DPYD: variants seen among roughly 807,000 people sequenced by gnomAD.
DPYD encodes the protein dihydropyrimidine dehydrogenase [NADP(+)].
Under a neutral mutation model 116.2 loss-of-function variants are expected in DPYD, and 109 were observed. The ratio of observed to expected loss-of-function variants is 0.94; its 90% CI spans 0.80 to 1.10. DPYD has a LOEUF of 1.10. DPYD is among the 50% of genes least tolerant of loss of function. The probability of loss-of-function intolerance (pLI) is 0.00; values close to 1 mark genes in which losing one functional copy is unlikely to be tolerated. For missense variants in DPYD, 1,302 were observed against 1,254.5 expected (o/e 1.04, Z -0.57); for synonymous variants, 440 against 432.0 (o/e 1.02, Z -0.23).
chr1:97,446,129 T>G (rs1478427314), intron 14 of DPYD, among the ~76,000 whole-genome samples: 1 of 152,044 alleles, frequency 6.6e-6, no homozygotes, highest in East Asian at 1.9e-4. Flanking sequence ...CACAGTAGAG[T>G]TGCTGCAGAA....
Position 97,806,281 on chromosome 1 carries a change from GA to G in DPYD, c.233+21832del, listed in dbSNP as rs1473489267. On this transcript the variant is annotated intron_variant, in intron 3 of 22. Coordinates refer to ENST00000370192, the MANE Select transcript of DPYD (RefSeq NM_000110.4). ...AAGTCAATAACAGTAAAATCTAGAA[GA>G]AAATGCAGTTGTTTCACATCTTCAC... Among the ~76,000 whole-genome samples, 3 of 151,936 alleles carry G rather than the reference GA, an allele frequency of 2.0e-5. No individual in the cohort carries two copies. In the East Asian group the frequency reaches 5.8e-4, roughly 29 times the overall value.
chr1:97,686,411 C>A (rs955167257), intron 7 of DPYD, among the ~76,000 whole-genome samples: 3 of 151,456 alleles, frequency 2.0e-5, no homozygotes, highest in African/African-American at 7.3e-5. Context: ...CCGAGGCGGG[C>A]GGATCACGAG....
intron 8 of DPYD, among the ~76,000 whole-genome samples, chr1:97,672,699 C>T (rs532312737): frequency 3.9e-5 from 6 of 152,144 alleles, no homozygotes; most frequent in Non-Finnish European, 7.4e-5. Flanking sequence ...AGAAAGTATA[C>T]ACAACTATGT....
chr1:97,475,491 T>C (rs535786153), intron 13 of DPYD, among the ~76,000 whole-genome samples: 115 of 152,246 alleles, frequency 7.6e-4, no homozygotes, highest in Non-Finnish European at 1.5e-3. Context: ...AAATTCAAAA[T>C]AGAGCTAGCA....
chr1:97,906,916 G>A (rs150605630), intron 1 of DPYD, among the ~76,000 whole-genome samples: 2 of 152,118 alleles, frequency 1.3e-5, no homozygotes, highest in Non-Finnish European at 2.9e-5. Flanking sequence ...TGGCATATAT[G>A]AATTGTCTCC....
intron 4 of DPYD, among the ~76,000 whole-genome samples, chr1:97,739,335 C>G (rs1472199353): frequency 1.3e-5 from 2 of 151,960 alleles, no homozygotes; most frequent in Admixed American, 1.3e-4. Context: ...TAGATGCTAC[C>G]TTTCCTTCAT....
At chr1:97,474,787 GTTATAA>G (rs753350330) in intron 13 of DPYD, among the ~76,000 whole-genome samples, 1 of 150,886 alleles carries the variant, frequency 6.6e-6, no homozygotes, top group Non-Finnish European at 1.5e-5. Flanking sequence ...TGAGATATAT[GTTATAA>G]TTATAGCAAA....
At chr1:97,297,175 A>G (rs1344143448) in intron 18 of DPYD, among the ~76,000 whole-genome samples, 1 of 152,184 alleles carries the variant, frequency 6.6e-6, no homozygotes, top group Non-Finnish European at 1.5e-5. Context: ...TTTTTCACTG[A>G]ATTGAATTGA....
intron 8 of DPYD, among the ~76,000 whole-genome samples, chr1:97,651,419 C>T (rs1326876652): frequency 6.6e-6 from 1 of 152,122 alleles, no homozygotes; most frequent in Admixed American, 6.6e-5. Flanking sequence ...ATACCTAAAT[C>T]GGCAAGATAC....
At chr1:97,549,484 A>G (rs1466981995) in intron 12 of DPYD, 76 bp downstream of exon 12, 3 of 1,465,304 alleles carry the variant, frequency 2.0e-6, no homozygotes, top group Non-Finnish European at 1.9e-6. Context: ...AAATGCTCTT[A>G]TAGATGAGTA....
intron 16 of DPYD, among the ~76,000 whole-genome samples, chr1:97,340,195 T>C (rs1669521161): frequency 6.6e-6 from 1 of 151,662 alleles, no homozygotes; most frequent in African/African-American, 2.4e-5. Context: ...GAATGAATTA[T>C]GAAAATAGAG....
chr1:97,828,027 G>A, intron 3 of DPYD, 87 bp downstream of exon 3: 4 of 1,217,292 alleles, frequency 3.3e-6, no homozygotes, highest in Non-Finnish European at 4.8e-6. Context: ...CTGAATGGTG[G>A]CAATGAACTC....
chr1:97,834,654 G>A (rs1669680476), intron 2 of DPYD, among the ~76,000 whole-genome samples: 1 of 151,872 alleles, frequency 6.6e-6, no homozygotes, highest in African/African-American at 2.4e-5. Context: ...GCAGTTCAAT[G>A]TTGGTTACTA....
intron 8 of DPYD, among the ~76,000 whole-genome samples, chr1:97,647,108 A>G (rs920458888): frequency 1.5e-4 from 23 of 152,092 alleles, no homozygotes; most frequent in African/African-American, 5.6e-4. Context: ...CCTAAATTAC[A>G]TCAGAATATA....
intron 21 of DPYD, among the ~76,000 whole-genome samples, chr1:97,085,070 T>C (rs1289060943): frequency 1.3e-5 from 2 of 152,188 alleles, no homozygotes; most frequent in African/African-American, 4.8e-5. Context: ...TCTGAATATG[T>C]GTAATATTTC....
At chr1:97,109,857 TA>T (rs149819223) in intron 20 of DPYD, among the ~76,000 whole-genome samples, 38,556 of 151,952 alleles carry the variant, frequency 0.25, 5,243 homozygotes, top group Middle Eastern at 0.4. Context: ...TTTTTTAATA[TA>T]AAAAATATCT....
intron 5 of DPYD, among the ~76,000 whole-genome samples, chr1:97,719,470 C>A (rs1221943636): frequency 1.3e-5 from 2 of 151,918 alleles, no homozygotes; most frequent in Admixed American, 1.3e-4. Context: ...AAAAAACAAT[C>A]ATTGTTTTAT....
At chr1:97,643,889 C>A (rs1183638036) in intron 8 of DPYD, among the ~76,000 whole-genome samples, 1 of 151,876 alleles carries the variant, frequency 6.6e-6, no homozygotes, top group East Asian at 1.9e-4. Context: ...ACAATGAGAA[C>A]ACATGGACGC....
chr1:97,655,400 G>C (rs1423826548), intron 8 of DPYD, among the ~76,000 whole-genome samples: 1 of 152,124 alleles, frequency 6.6e-6, no homozygotes, highest in East Asian at 1.9e-4. Flanking sequence ...GCCTCAAATA[G>C]AGCGAGACAC....
Sources: gnomAD v4.1 joint callset for allele counts (sites outside exome capture counted in the v4.1 genomes callset) on GRCh38, gnomAD v4.1.1 for gene constraint, MANE v1.5 for transcripts, NCBI Gene and HGNC (gene_info 2026-07-23, HGNC 2026-07-21) for gene names.